The following GULP1 variants were observed in gnomAD, a reference collection of about 807,000 sequenced individuals.
GULP1 encodes PTB domain-containing engulfment adapter protein 1.
A neutral mutation model predicts 40.9 loss-of-function variants in GULP1; 19 were observed. The observed-to-expected ratio is 0.46, with a 90% confidence interval of 0.32 to 0.68. The LOEUF (loss-of-function observed/expected upper bound fraction) is 0.68, where lower values mean the gene tolerates loss of function less well. Among genes scored for constraint, GULP1 ranks in the 30% least tolerant of loss-of-function variants. The pLI is 0.03. For synonymous variants in GULP1, 119 were observed against 117.6 expected, an observed-to-expected ratio of 1.01 and a Z score of -0.08; for missense variants, 312 against 362.2, an observed-to-expected ratio of 0.86 and a Z score of 1.12.
chr2:188,445,560 A>G (rs926879907), intron 2 of GULP1, among the ~76,000 whole-genome samples: 1 of 152,134 alleles, frequency 6.6e-6, no homozygotes, highest in Non-Finnish European at 1.5e-5. Flanking sequence ...TCTTATATCT[A>G]TTTTTATTTC....
intron 1 of GULP1, among the ~76,000 whole-genome samples, chr2:188,381,119 G>A (rs1351577905): frequency 2.0e-5 from 3 of 152,010 alleles, no homozygotes; most frequent in Non-Finnish European, 4.4e-5. Context: ...CAAAAGAGCA[G>A]CCCCTAAGCC....
At chr2:188,399,574 C>G (rs1469665389) in intron 2 of GULP1, among the ~76,000 whole-genome samples, 1 of 151,380 alleles carries the variant, frequency 6.6e-6, no homozygotes, top group African/African-American at 2.4e-5. Flanking sequence ...ATCAAACTGT[C>G]CAGGTGCAGT....
At chr2:188,475,907 T>G (rs927141799) in intron 2 of GULP1, among the ~76,000 whole-genome samples, 2 of 152,112 alleles carry the variant, frequency 1.3e-5, no homozygotes, top group African/African-American at 2.4e-5. Context: ...GTACAGTAAT[T>G]GAAAATGCAT....
At chr2:188,499,390 G>A (rs2063217237) in intron 4 of GULP1, among the ~76,000 whole-genome samples, 1 of 150,952 alleles carries the variant, frequency 6.6e-6, no homozygotes, top group African/African-American at 2.4e-5. Flanking sequence ...ACCTCATCCT[G>A]CCTCATGGTA....
At chr2:188,519,586 G>A (rs2065527526) in intron 4 of GULP1, among the ~76,000 whole-genome samples, 1 of 152,124 alleles carries the variant, frequency 6.6e-6, no homozygotes, top group Non-Finnish European at 1.5e-5. Flanking sequence ...TTTACCCCAG[G>A]GATGTATTCA....
chr2:188,405,560 G>A (rs1477216664), intron 2 of GULP1, among the ~76,000 whole-genome samples: 1 of 152,148 alleles, frequency 6.6e-6, no homozygotes, highest in Admixed American at 6.5e-5. Flanking sequence ...TGCCAGGTTA[G>A]CTCTGTTGGA....
chr2:188,308,630 T>C (rs1039682081), intron 1 of GULP1, among the ~76,000 whole-genome samples: 44 of 152,292 alleles, frequency 2.9e-4, no homozygotes, highest in Non-Finnish European at 4.7e-4. Context: ...CGTAAGATGT[T>C]ATAGAATGCC....
At chr2:188,480,857 C>T (rs112996363) in intron 3 of GULP1, among the ~76,000 whole-genome samples, 4,874 of 151,860 alleles carry the variant, frequency 0.032, 261 homozygotes, top group African/African-American at 0.11. Flanking sequence ...ATCAAATGCA[C>T]AGCACTTAAA....
At chr2:188,325,016 C>A (rs1445278497) in intron 1 of GULP1, among the ~76,000 whole-genome samples, 1 of 151,888 alleles carries the variant, frequency 6.6e-6, no homozygotes, top group Non-Finnish European at 1.5e-5. Flanking sequence ...AAGATATTTT[C>A]AGACACATAC....
chr2:188,454,190 G>A (rs374667646), intron 2 of GULP1, among the ~76,000 whole-genome samples: 14 of 152,242 alleles, frequency 9.2e-5, no homozygotes, highest in Admixed American at 4.6e-4. Context: ...CAATTTCAAC[G>A]GTGAGGATGG....
rs550890520 is a variant in GULP1, at chr2:188,382,866, G to A, written c.-171-897G>A. Among the ~76,000 whole-genome samples, 6 of 152,204 alleles carry A rather than the reference G, an allele frequency of 3.9e-5. No homozygotes were observed. In the South Asian group the frequency reaches 1.2e-3, roughly 32 times the overall value. On this transcript the variant is annotated intron_variant, in intron 1 of 11. Coordinates refer to ENST00000409830, the MANE Select transcript of GULP1 (RefSeq NM_016315.4). Reference sequence around the variant, plus strand: ...TATTGTGGCTAAGCTGGAAAACGATGGCTTTCAAAGTATTCAGATGGCTTA... The same window carrying A: ...TATTGTGGCTAAGCTGGAAAACGATAGCTTTCAAAGTATTCAGATGGCTTA...
At chr2:188,344,649 A>G (rs1403147112) in intron 1 of GULP1, among the ~76,000 whole-genome samples, 1 of 152,194 alleles carries the variant, frequency 6.6e-6, no homozygotes, top group Non-Finnish European at 1.5e-5. Flanking sequence ...ATTTCAGAAC[A>G]TGAGAGAGCA....
intron 2 of GULP1, among the ~76,000 whole-genome samples, chr2:188,398,633 G>A: frequency 6.6e-6 from 1 of 152,072 alleles, no homozygotes; most frequent in East Asian, 1.9e-4. Context: ...TCATCAATAT[G>A]TTGTTCTCTG....
intron 1 of GULP1, among the ~76,000 whole-genome samples, chr2:188,368,113 A>G (rs1345504480): frequency 1.3e-5 from 2 of 151,838 alleles, no homozygotes; most frequent in Non-Finnish European, 2.9e-5. Context: ...TGATTTTGTA[A>G]GTATGGTAAA....
intron 1 of GULP1, among the ~76,000 whole-genome samples, chr2:188,349,635 A>G (rs1442483108): frequency 6.6e-6 from 1 of 152,102 alleles, no homozygotes; most frequent in Non-Finnish European, 1.5e-5. Flanking sequence ...TGATTTGCAA[A>G]TATTTTCTGC....
chr2:188,393,983 C>T (rs2050874639), intron 2 of GULP1, among the ~76,000 whole-genome samples: 1 of 152,070 alleles, frequency 6.6e-6, no homozygotes, highest in South Asian at 2.1e-4. Context: ...CTTTAGATAG[C>T]CTGATATGTG....
chr2:188,573,291 A>G (rs567580301), intron 9 of GULP1, among the ~76,000 whole-genome samples: 225 of 152,298 alleles, frequency 1.5e-3, no homozygotes, highest in Admixed American at 3.1e-3. Flanking sequence ...TTTATCTCAT[A>G]TCTATTCAAA....
At chr2:188,372,650 C>A (rs1174656164) in intron 1 of GULP1, among the ~76,000 whole-genome samples, 3 of 151,990 alleles carry the variant, frequency 2.0e-5, no homozygotes, top group African/African-American at 7.2e-5. Flanking sequence ...TTATTTTGAC[C>A]TAACATCCAT....
chr2:188,540,485 A>C (rs1275189296), intron 6 of GULP1, among the ~76,000 whole-genome samples: 2 of 151,522 alleles, frequency 1.3e-5, no homozygotes, highest in African/African-American at 2.4e-5. Flanking sequence ...AACTATATCG[A>C]TCTGGTTGCA....
Sources: allele counts gnomAD v4.1 joint callset (sites outside exome capture counted in the v4.1 genomes callset), GRCh38; gene constraint gnomAD v4.1.1; transcripts MANE v1.5; gene names NCBI Gene and HGNC (gene_info 2026-07-23, HGNC 2026-07-21).